The following ZNF528 variants were observed in gnomAD, a reference collection of about 807,000 sequenced individuals.
The protein encoded by ZNF528 is zinc finger protein 528.
ZNF528 carries 9 observed loss-of-function variants against 13.3 expected under a neutral mutation model. The ratio of observed to expected loss-of-function variants is 0.67; its 90% CI spans 0.41 to 1.18. ZNF528 has a LOEUF of 1.18. Among genes scored for constraint, ZNF528 ranks in the 50% most tolerant of loss-of-function variants. The probability of loss-of-function intolerance (pLI) is 0.01; values close to 1 mark genes in which losing one functional copy is unlikely to be tolerated. For missense variants in ZNF528, 858 were observed against 745.4 expected (o/e 1.15, Z -1.76); for synonymous variants, 264 against 254.3 (o/e 1.04, Z -0.36).
chr19:52,412,507 GT>G, intron 6 of ZNF528: 1 of 152,326 alleles, frequency 6.6e-6, no homozygotes. Context: ...GGGAATCAAT[GT>G]TTCTCTTGGG....
chr19:52,416,647 C>T lies in ZNF528; in HGVS notation c.1795C>T (p.His599Tyr). Residue 599 changes from histidine (H) to tyrosine (Y), a missense_variant, in exon 7 of 7, where the codon CAC becomes TAC. Coordinates refer to ENST00000360465, the MANE Select transcript of ZNF528 (RefSeq NM_032423.3). ...TTCCCTCACCAATCACCATAGAATTCACATTGGAGAGAAACCTTACAAATG... is the reference window on the plus strand; with the variant it reads ...TTCCCTCACCAATCACCATAGAATTTACATTGGAGAGAAACCTTACAAATG... ...KSSLTNHHRI[H>Y]IGEKPYKCTL... 6.2e-7 allele frequency: 1 copy of T among 1,614,164 alleles called. No homozygotes were observed. Among genetic ancestry groups the T allele is most frequent in the Non-Finnish European group, 8.5e-7 (1 of 1,180,010 alleles).
intron 6 of ZNF528, 197 bp from the exon 7 acceptor site, chr19:52,414,926 TC>T (rs1304683517): frequency 3.3e-6 from 5 of 1,516,400 alleles, no homozygotes; most frequent in Non-Finnish European, 4.4e-6. Context: ...CATAATTCTC[TC>T]GACTCCTGCA....
At position 52,416,333 on chromosome 19, in the gene ZNF528, A is replaced by T; in HGVS notation, c.1481A>T (p.Lys494Ile). ...ATTCATACTGGAGAGAAGCCTTACA[A>T]ATGTAACAGATGTGGCAAGGTCTTC... ...HRIHTGEKPY[K>I]CNRCGKVFSR... The change falls in exon 7 of 7, where the codon AAA becomes ATA. Residue 494 changes from lysine (K) to isoleucine (I), a missense_variant. Lys to Ile is a moderately radical substitution (Grantham distance 102). Coordinates refer to ENST00000360465, the MANE Select transcript of ZNF528 (RefSeq NM_032423.3). The T allele has an allele frequency of 6.2e-7, 1 of 1,614,068 alleles. No individual in the cohort carries two copies.
intron 2 of ZNF528, among the ~76,000 whole-genome samples, chr19:52,400,831 T>C (rs1222184576): frequency 1.3e-5 from 2 of 152,192 alleles, no homozygotes; most frequent in East Asian, 3.8e-4. Context: ...TGCTTAAATC[T>C]GACTTTGAAT....
At chr19:52,405,246 G>C (rs1330674692) in intron 4 of ZNF528, among the ~76,000 whole-genome samples, 1 of 150,246 alleles carries the variant, frequency 6.7e-6, no homozygotes, top group East Asian at 2.0e-4. Flanking sequence ...CAAAACTACA[G>C]TAGGTTGGGT....
chr19:52,406,472 G>A (rs762456500), intron 5 of ZNF528, 43 bp from the exon 6 acceptor site: 1 of 1,596,960 alleles, frequency 6.3e-7, no homozygotes, highest in South Asian at 1.2e-5. Context: ...GCTTGGACTT[G>A]GGAGATGCCA....
rs369332982 is a variant in ZNF528, at chr19:52,416,427, A to G, written c.1575A>G (p.Gln525=). Residue 525 remains glutamine, a synonymous_variant, in exon 7 of 7, where the codon CAA becomes CAG. Coordinates refer to ENST00000360465, the MANE Select transcript of ZNF528 (RefSeq NM_032423.3). The stretch of plus-strand genomic sequence containing the variant: ...GAGAAAAGCCTTACAAATGTAATCA[A>G]TGTGGCAAGGTCTTTAATCAAGCAT... ...HTGEKPYKCN[Q]CGKVFNQASY... is the part of the protein sequence containing the mutation. 3.7e-5 allele frequency: 60 copies of G among 1,614,158 alleles called. 1 individual carries two copies. The Middle Eastern group carries it at 9.9e-4, about 27-fold the overall frequency.
chr19:52,414,089 G>A (rs1458774424), intron 6 of ZNF528: 13 of 622,236 alleles, frequency 2.1e-5, no homozygotes, highest in Middle Eastern at 2.5e-4. Flanking sequence ...CTTCCCGTTC[G>A]CAGTACTTTA....
chr19:52,416,011 G>A lies in ZNF528; in HGVS notation c.1159G>A (p.Asp387Asn), dbSNP rs148914855. The change falls in exon 7 of 7, where the codon GAC (aspartate) becomes AAC (asparagine). Residue 387 changes from aspartate (D) to asparagine (N), a missense_variant. Asp to Asn is a conservative substitution (Grantham distance 23). Transcript: ENST00000360465. ...GRKPYKCKEC[D>N]KVFGRKCFLT... ...GAAACCTTACAAATGTAAAGAATGT[G>A]ACAAGGTCTTTGGGCGCAAGTGTTT... is the stretch of plus-strand genomic sequence containing the variant. 4 of 1,614,118 alleles carry A rather than the reference G, an allele frequency of 2.5e-6. No individual in the cohort carries two copies. The highest frequency in any genetic ancestry group is 1.3e-5 in the African/African-American group (1 of 75,044).
At chr19:52,407,176 G>A (rs956664073) in intron 6 of ZNF528, among the ~76,000 whole-genome samples, 2 of 112,692 alleles carry the variant, frequency 1.8e-5, no homozygotes, top group African/African-American at 6.9e-5. Context: ...GAACTCCTGG[G>A]CACCCAGTCC....
At position 52,415,311 on chromosome 19, in the gene ZNF528, C is replaced by T; in HGVS notation, c.459C>T (p.Ser153=). The part of the protein sequence containing the change: ...SSVSPLEKIS[S]SVKSHLLNKY... Reference sequence around the variant, plus strand: ...TTTCACCGCTTGAAAAAATTTCTTCCAGTGTCAAATCCCACCTTTTAAATA... The same window carrying T: ...TTTCACCGCTTGAAAAAATTTCTTCTAGTGTCAAATCCCACCTTTTAAATA... Residue 153 remains serine, a synonymous_variant, in exon 7 of 7, where the codon TCC becomes TCT. Coordinates refer to ENST00000360465, the MANE Select transcript of ZNF528 (RefSeq NM_032423.3). 6.2e-7 allele frequency: 1 copy of T among 1,612,776 alleles called. No homozygotes were observed. The highest frequency in any genetic ancestry group is 8.5e-7 in the Non-Finnish European group (1 of 1,179,630).
chr19:52,416,029 A>T lies in ZNF528; in HGVS notation c.1177A>T (p.Lys393Ter), dbSNP rs1198513700. 1.2e-6 allele frequency: 2 copies of T among 1,614,112 alleles called. No individual in the cohort carries two copies. Among genetic ancestry groups the T allele is most frequent in the Non-Finnish European group, 1.7e-6 (2 of 1,180,034 alleles). Residue 393 changes from lysine (K) to a stop codon, truncating the protein, a stop_gained, in exon 7 of 7, where the codon AAG becomes TAG. Coordinates refer to ENST00000360465, the MANE Select transcript of ZNF528 (RefSeq NM_032423.3). LOFTEE classifies it low-confidence loss of function (END_TRUNC). ...AGAATGTGACAAGGTCTTTGGGCGC[A>T]AGTGTTTCCTGACCTCTCATCAGAG... ...CKECDKVFGR[K>*]CFLTSHQRIH...
chr19:52,412,559 C>T (rs1029503700), intron 6 of ZNF528: 24 of 152,156 alleles, frequency 1.6e-4, no homozygotes, highest in African/African-American at 5.8e-4. Context: ...ACTGAGAATG[C>T]CCTGATTGTT....
In ZNF528 at chr19:52,416,509, A is replaced by G. The variant is rs772840812; in HGVS notation, c.1657A>G (p.Lys553Glu). 2.5e-5 allele frequency: 40 copies of G among 1,614,160 alleles called. No individual in the cohort carries two copies. The highest frequency in any genetic ancestry group is 3.3e-5 in the Non-Finnish European group (39 of 1,180,014). ...TGGAGAGAGGCCTTACAGATGTAGTAAATGTGGCAAAGCATTTCGAGGGTG... is the reference window on the plus strand; with the variant it reads ...TGGAGAGAGGCCTTACAGATGTAGTGAATGTGGCAAAGCATTTCGAGGGTG... ...HTGERPYRCS[K>E]CGKAFRGCSG... Residue 553 changes from lysine (K) to glutamate (E), a missense_variant, in exon 7 of 7, where the codon AAA becomes GAA. By Grantham distance (56) the Lys-to-Glu change is moderately conservative. Transcript: ENST00000360465.
At chr19:52,412,829 G>C (rs1190068256) in intron 6 of ZNF528, 1 of 152,060 alleles carries the variant, frequency 6.6e-6, no homozygotes, top group Non-Finnish European at 1.5e-5. Flanking sequence ...TTGACCCTTG[G>C]CTCCTTTTAG....
At chr19:52,405,136 G>A (rs566747759) in intron 4 of ZNF528, among the ~76,000 whole-genome samples, 29 of 151,248 alleles carry the variant, frequency 1.9e-4, no homozygotes, top group Admixed American at 1.7e-3. Flanking sequence ...AGAATCACTT[G>A]AACCTGGGAG....
chr19:52,406,607 C>G lies in ZNF528; in HGVS notation c.235C>G (p.Pro79Ala). The G allele has an allele frequency of 3.1e-6, 5 of 1,614,010 alleles. No individual in the cohort carries two copies. Among genetic ancestry groups the G allele is most frequent in the Non-Finnish European group, 4.2e-6 (5 of 1,179,968 alleles). The change falls in exon 6 of 7, where the codon CCA becomes GCA. Residue 79 changes from proline (P) to alanine (A), a missense_variant. Transcript: ENST00000360465. ...LQSEEKIAND[P>A]DGRECIKGVN... ...GAGTGAAGAGAAAATAGCAAACGAT[C>G]CAGACGGCAGGGAGTGCATCAAAGG...
At position 52,418,015 on chromosome 19, in the gene ZNF528, G is replaced by A. The variant is rs1323646061; in HGVS notation, c.*1276G>A. 2.0e-5 allele frequency: 3 copies of A among 151,260 alleles called. No individual in the cohort carries two copies. The highest frequency in any genetic ancestry group is 7.3e-5 in the African/African-American group (3 of 41,036). The allele number at this position is 151,260 out of a possible 1,614,324, so 9.4% of individuals were successfully genotyped here. On this transcript the variant is annotated 3_prime_UTR_variant, in exon 7 of 7. Coordinates refer to ENST00000360465, the MANE Select transcript of ZNF528 (RefSeq NM_032423.3). ...CTTTTTTTAGATGAGACAGAGTTTC[G>A]CCCTTGTCACCCAGGCTGTAGTGCG...
At chr19:52,412,796 AC>A (rs1419408624) in intron 6 of ZNF528, 1 of 152,132 alleles carries the variant, frequency 6.6e-6, no homozygotes, top group East Asian at 1.9e-4. Context: ...TACCGCAAGT[AC>A]AACATTTTCC....
Sources: gnomAD v4.1 joint callset for allele counts (sites outside exome capture counted in the v4.1 genomes callset) on GRCh38, gnomAD v4.1.1 for gene constraint, MANE v1.5 for transcripts, NCBI Gene and HGNC (gene_info 2026-07-23, HGNC 2026-07-21) for gene names.